RARB: variants seen among roughly 807,000 people sequenced by gnomAD.
RARB encodes the protein retinoic acid receptor beta.
In RARB, 17 loss-of-function variants were observed where a neutral mutation model predicts 51.9. That is an observed-to-expected ratio of 0.33 (90% CI 0.22 to 0.49). The LOEUF is 0.49. Ranked by LOEUF, RARB falls within the 20% of genes least tolerant of loss-of-function variation. The pLI is 0.99. For synonymous variants in RARB, 215 were observed against 195.4 expected (o/e 1.10, Z -0.84); for missense variants, 369 against 550.8 (o/e 0.67, Z 3.30).
At chr3:24,882,968 G>C (rs956524827) in intron 2 of RARB, among the ~76,000 whole-genome samples, 1 of 152,128 alleles carries the variant, frequency 6.6e-6, no homozygotes, top group African/African-American at 2.4e-5. Context: ...TCTTCTGATG[G>C]GTGGTGGTGA....
intron 4 of RARB, among the ~76,000 whole-genome samples, chr3:25,134,599 AT>A (rs1157724077): frequency 1.3e-5 from 2 of 151,874 alleles, no homozygotes; most frequent in Non-Finnish European, 2.9e-5. Context: ...ATATGTGCTT[AT>A]TCTCTGTCAA....
chr3:25,135,841 G>A (rs1177676365), intron 4 of RARB, among the ~76,000 whole-genome samples: 1 of 151,658 alleles, frequency 6.6e-6, no homozygotes, highest in East Asian at 1.9e-4. Context: ...CTCAACTTAG[G>A]GCAAACTCCA....
At chr3:25,238,148 G>GCC (rs138491550) in intron 5 of RARB, among the ~76,000 whole-genome samples, 1,822 of 149,406 alleles carry the variant, frequency 0.012, 12 homozygotes, top group Non-Finnish European at 0.018. Context: ...TCATCCTCCA[G>GCC]CGCCCCCCCA....
intron 2 of RARB, among the ~76,000 whole-genome samples, chr3:25,042,765 C>T (rs1007325459): frequency 2.6e-5 from 4 of 152,204 alleles, no homozygotes; most frequent in Non-Finnish European, 2.9e-5. Context: ...TTCCAAGTTC[C>T]TATTATCTGT....
chr3:25,453,628 A>G (rs1247031976), intron 1 of RARB, among the ~76,000 whole-genome samples: 1 of 152,014 alleles, frequency 6.6e-6, no homozygotes, highest in Non-Finnish European at 1.5e-5. Flanking sequence ...TTTATTAAAG[A>G]CTCAAAACCA....
chr3:24,894,990 A>G (rs1304157057), intron 2 of RARB, among the ~76,000 whole-genome samples: 1 of 152,236 alleles, frequency 6.6e-6, no homozygotes, highest in Non-Finnish European at 1.5e-5. Context: ...TGCTTTAGCC[A>G]GGGAGATGTA....
At chr3:25,459,614 G>T (rs1695071962) in intron 1 of RARB, among the ~76,000 whole-genome samples, 1 of 152,176 alleles carries the variant, frequency 6.6e-6, no homozygotes, top group Admixed American at 6.5e-5. Flanking sequence ...CAGCAGTTGT[G>T]AGAGGCGATG....
intron 1 of RARB, among the ~76,000 whole-genome samples, chr3:25,432,168 A>G (rs1378641897): frequency 6.6e-6 from 1 of 152,206 alleles, no homozygotes; most frequent in East Asian, 1.9e-4. Context: ...GGGTTGTTCG[A>G]AAACAAGTGA....
chr3:25,557,386 A>C (rs1318236870), intron 3 of RARB, among the ~76,000 whole-genome samples: 1 of 152,214 alleles, frequency 6.6e-6, no homozygotes, highest in Admixed American at 6.5e-5. Context: ...TACCATTCCA[A>C]TCATAAATGG....
At chr3:25,178,335 C>G (rs1301483770) in intron 5 of RARB, among the ~76,000 whole-genome samples, 1 of 152,050 alleles carries the variant, frequency 6.6e-6, no homozygotes, top group Non-Finnish European at 1.5e-5. Flanking sequence ...ATTAGAAAAA[C>G]TACCATGCAT....
chr3:24,948,218 C>T (rs757543497), intron 2 of RARB, among the ~76,000 whole-genome samples: 1 of 145,546 alleles, frequency 6.9e-6, no homozygotes, highest in Non-Finnish European at 1.5e-5. Flanking sequence ...TAGAGGAAGG[C>T]CAGGTATAGG....
intron 2 of RARB, among the ~76,000 whole-genome samples, chr3:25,464,271 G>A (rs1255266041): frequency 6.6e-6 from 1 of 152,110 alleles, no homozygotes; most frequent in Non-Finnish European, 1.5e-5. Context: ...GATCTGTATA[G>A]CACAAACTGC....
At chr3:24,912,975 C>CTGATTCTT (rs1695022951) in intron 2 of RARB, among the ~76,000 whole-genome samples, 3 of 75,068 alleles carry the variant, frequency 4.0e-5, no homozygotes, top group African/African-American at 1.3e-4. Context: ...GGTACTGATT[C>CTGATTCTT]TTTTTTTTTT....
At chr3:25,454,786 A>G (rs116269708) in intron 1 of RARB, among the ~76,000 whole-genome samples, 190 of 152,356 alleles carry the variant, frequency 1.2e-3, no homozygotes, top group African/African-American at 4.5e-3. Flanking sequence ...GAAGGGAGCT[A>G]TTGTCGAAGA....
chr3:25,259,858 A>G (rs757186460), intron 5 of RARB: 9 of 965,132 alleles, frequency 9.3e-6, no homozygotes, highest in African/African-American at 1.8e-5. Context: ...TGCTTCCCAA[A>G]TAAGTCAAGA....
chr3:25,580,115 C>T (rs753328511), intron 4 of RARB, among the ~76,000 whole-genome samples: 4 of 152,246 alleles, frequency 2.6e-5, no homozygotes, highest in Non-Finnish European at 5.9e-5. Flanking sequence ...TGGCTCACGC[C>T]TGTAATCCCA....
chr3:25,053,185 A>G (rs1698371206), intron 2 of RARB, among the ~76,000 whole-genome samples: 1 of 152,158 alleles, frequency 6.6e-6, no homozygotes, highest in African/African-American at 2.4e-5. Flanking sequence ...GCACCCCTGG[A>G]CTACAAGGGA....
intron 2 of RARB, among the ~76,000 whole-genome samples, chr3:24,999,568 G>A (rs1697114884): frequency 6.6e-6 from 1 of 152,118 alleles, no homozygotes; most frequent in African/African-American, 2.4e-5. Context: ...GACATCATCG[G>A]CAGAAAAGAT....
intron 5 of RARB, among the ~76,000 whole-genome samples, chr3:25,421,063 G>A (rs1707844889): frequency 6.6e-6 from 1 of 151,510 alleles, no homozygotes; most frequent in South Asian, 2.1e-4. Context: ...GGGGCAGCAG[G>A]GTGGGGCTTG....
Sources: gnomAD v4.1 joint callset for allele counts (sites outside exome capture counted in the v4.1 genomes callset) on GRCh38, gnomAD v4.1.1 for gene constraint, MANE v1.5 for transcripts, NCBI Gene and HGNC (gene_info 2026-07-23, HGNC 2026-07-21) for gene names.